RGS5: variants seen among roughly 807,000 people sequenced by gnomAD.
RGS5 encodes regulator of G-protein signalling 5.
In RGS5, 20 loss-of-function variants were observed where a neutral mutation model predicts 18.9. That is an observed-to-expected ratio of 1.06 (90% confidence interval 0.74 to 1.54). The LOEUF (loss-of-function observed/expected upper bound fraction) is 1.54. RGS5 is among the 40% of genes most tolerant of loss of function. The pLI, the probability that RGS5 is intolerant of heterozygous loss-of-function variation, is 0.00. For synonymous variants in RGS5, 57 were observed against 76.2 expected, an observed-to-expected ratio of 0.75 and a Z score of 1.31; for missense variants, 201 against 211.8, an observed-to-expected ratio of 0.95 and a Z score of 0.32.
intron 1 of RGS5, among the ~76,000 whole-genome samples, chr1:163,180,214 G>A (rs1305610036): frequency 2.6e-5 from 4 of 152,148 alleles, no homozygotes; most frequent in Non-Finnish European, 5.9e-5. Context: ...GAGCTCAGAT[G>A]ATCCACCCGC....
At position 163,143,865 on chromosome 1, in the gene RGS5, G is replaced by A. The variant is rs908254756; in HGVS notation, c.*3477C>T. On this transcript the variant is annotated 3_prime_UTR_variant, in exon 5 of 5. Coordinates refer to ENST00000313961, the MANE Select transcript of RGS5 (RefSeq NM_003617.4). ...TAGTTTATTAATTTATTTGTTAATG[G>A]CCCAGTTTTTATTGAAACTTTTGCA... is the stretch of plus-strand genomic sequence containing the variant. 3.9e-5 allele frequency: 6 copies of A among 151,998 alleles called. No homozygotes were observed. The highest frequency in any genetic ancestry group is 2.9e-5 in the Non-Finnish European group (2 of 67,990). 9.4% of individuals were successfully genotyped at this position (151,998 alleles called of 1,614,324 possible). A position where few individuals can be genotyped will look rare whatever the true frequency, so the allele number is the denominator to read the frequency against.
chr1:163,320,392 C>T (rs935599702), intron 1 of RGS5, among the ~76,000 whole-genome samples: 6 of 152,142 alleles, frequency 3.9e-5, no homozygotes, highest in Admixed American at 3.3e-4. Context: ...AGAACTGTCA[C>T]CCTATTTTAA....
At chr1:163,285,083 T>C (rs1324334714) in intron 2 of RGS5, among the ~76,000 whole-genome samples, 1 of 152,136 alleles carries the variant, frequency 6.6e-6, no homozygotes, top group Non-Finnish European at 1.5e-5. Flanking sequence ...GAGAACAGTA[T>C]GGGGTAAACT....
Position 163,147,156 on chromosome 1 carries a change from C to T in RGS5, c.*186G>A, listed in dbSNP as rs149799109. 43 of 457,240 alleles carry T rather than the reference C, an allele frequency of 9.4e-5. No individual in the cohort carries two copies. In the East Asian group the frequency reaches 1.5e-3, roughly 16 times the overall value. 28.3% of individuals were successfully genotyped at this position (457,240 alleles called of 1,614,324 possible). A position where few individuals can be genotyped will look rare whatever the true frequency, so the allele number is the denominator to read the frequency against. On this transcript the variant is annotated 3_prime_UTR_variant, in exon 5 of 5. Transcript: ENST00000313961. ...GGAAGAATTGAGTGGGGAAAGAAGG[C>T]CTTCGGACAGTAGATAAGTATCCAA...
At chr1:163,165,157 C>A (rs1406426975) in intron 2 of RGS5, among the ~76,000 whole-genome samples, 1 of 152,156 alleles carries the variant, frequency 6.6e-6, no homozygotes, top group South Asian at 2.1e-4. Flanking sequence ...GTACATAGAT[C>A]TTTAGTACTC....
At chr1:163,287,920 G>A (rs1386722172) in intron 2 of RGS5, among the ~76,000 whole-genome samples, 1 of 152,134 alleles carries the variant, frequency 6.6e-6, no homozygotes, top group African/African-American at 2.4e-5. Context: ...CAATTTAGTT[G>A]TAATTTGCAC....
chr1:163,157,667 T>C (rs1657639907), intron 3 of RGS5, among the ~76,000 whole-genome samples: 1 of 152,100 alleles, frequency 6.6e-6, no homozygotes, highest in Non-Finnish European at 1.5e-5. Context: ...AAGATGCTAC[T>C]CCTCAAGGTT....
At chr1:163,233,021 A>G (rs1647523532) in intron 2 of RGS5, among the ~76,000 whole-genome samples, 1 of 152,182 alleles carries the variant, frequency 6.6e-6, no homozygotes, top group Non-Finnish European at 1.5e-5. Flanking sequence ...TCCAAGATCA[A>G]TTTCATTATT....
intron 1 of RGS5, among the ~76,000 whole-genome samples, chr1:163,314,105 G>T (rs1224948645): frequency 6.6e-6 from 1 of 151,982 alleles, no homozygotes; most frequent in Non-Finnish European, 1.5e-5. Context: ...AATACATGGA[G>T]AACACCTGGC....
chr1:163,179,993 A>C (rs747137669), intron 1 of RGS5, among the ~76,000 whole-genome samples: 4 of 152,108 alleles, frequency 2.6e-5, no homozygotes, highest in Non-Finnish European at 5.9e-5. Context: ...CTAATCTGTC[A>C]CAAGTGTTTT....
upstream of RGS5, among the ~76,000 whole-genome samples, chr1:163,219,803 C>T (rs1394687898): frequency 1.3e-5 from 2 of 152,112 alleles, no homozygotes; most frequent in Non-Finnish European, 2.9e-5. Context: ...TGTAACTATA[C>T]CACAATTTAT....
intron 2 of RGS5, among the ~76,000 whole-genome samples, chr1:163,297,987 A>C (rs1254054019): frequency 6.6e-6 from 1 of 152,088 alleles, no homozygotes; most frequent in African/African-American, 2.4e-5. Flanking sequence ...TTTGTTTGAA[A>C]ACTGTTGACT....
chr1:163,225,434 T>TA (rs1318498785), intron 2 of RGS5, among the ~76,000 whole-genome samples: 6 of 152,176 alleles, frequency 3.9e-5, no homozygotes, highest in African/African-American at 1.4e-4. Flanking sequence ...ACATATAGAA[T>TA]TAAGTCTTGT....
At chr1:163,149,658 T>C (rs12096487) in intron 4 of RGS5, among the ~76,000 whole-genome samples, 31,607 of 152,106 alleles carry the variant, frequency 0.21, 5,457 homozygotes, top group African/African-American at 0.48. Context: ...ACTTATTGAC[T>C]TCCACATGGC....
At chr1:163,165,579 C>T (rs188011986) in intron 2 of RGS5, among the ~76,000 whole-genome samples, 16 of 152,172 alleles carry the variant, frequency 1.1e-4, no homozygotes, top group Non-Finnish European at 1.8e-4. Context: ...GTGGGGAATG[C>T]GGGACTAGAA....
chr1:163,258,746 C>A (rs186398214), intron 2 of RGS5, among the ~76,000 whole-genome samples: 60 of 152,138 alleles, frequency 3.9e-4, no homozygotes, highest in South Asian at 3.9e-3. Flanking sequence ...TAGCTCACTG[C>A]AGCCTTGATC....
chr1:163,301,955 G>A (rs1302518501), intron 2 of RGS5, among the ~76,000 whole-genome samples: 1 of 149,228 alleles, frequency 6.7e-6, no homozygotes, highest in Non-Finnish European at 1.5e-5. Context: ...AATTTAAAGT[G>A]AGTATTTGGA....
chr1:163,207,358 C>G (rs1387736038), upstream of RGS5, among the ~76,000 whole-genome samples: 1 of 152,146 alleles, frequency 6.6e-6, no homozygotes, highest in African/African-American at 2.4e-5. Flanking sequence ...GCCCCCGGAG[C>G]AGTTTATCTA....
chr1:163,168,172 AG>A, intron 2 of RGS5, 85 bp downstream of exon 2: 2 of 935,034 alleles, frequency 2.1e-6, no homozygotes, highest in Middle Eastern at 2.2e-4. Flanking sequence ...TGAAGGGGGT[AG>A]TTCTACAGAT....
Sources: gnomAD v4.1 joint callset for allele counts (sites outside exome capture counted in the v4.1 genomes callset) on GRCh38, gnomAD v4.1.1 for gene constraint, MANE v1.5 for transcripts, NCBI Gene and HGNC (gene_info 2026-07-23, HGNC 2026-07-21) for gene names.